TFAP2A: variants seen among roughly 807,000 people sequenced by gnomAD.
TFAP2A encodes the protein transcription factor AP-2 alpha.
A neutral mutation model predicts 41.5 loss-of-function variants in TFAP2A; 7 were observed. The observed-to-expected ratio is 0.17, with a 90% CI of 0.10 to 0.32. TFAP2A has a LOEUF of 0.32. TFAP2A is among the 10% of genes least tolerant of loss of function. The probability of loss-of-function intolerance (pLI) is 1.00; values close to 1 mark genes in which losing one functional copy is unlikely to be tolerated. For missense variants in TFAP2A, 416 were observed against 563.3 expected (o/e 0.74, Z 2.65); for synonymous variants, 247 against 242.8 (o/e 1.02, Z -0.16).
chr6:10,398,369 G>A lies in TFAP2A; in HGVS notation c.*48C>T, dbSNP rs1216105724. The A allele has an allele frequency of 6.8e-6, 11 of 1,608,468 alleles. No individual in the cohort carries two copies. The highest frequency in any genetic ancestry group is 9.3e-6 in the Non-Finnish European group (11 of 1,178,214). On this transcript the variant is annotated 3_prime_UTR_variant, in exon 7 of 7. Coordinates refer to ENST00000379613, the MANE Select transcript of TFAP2A (RefSeq NM_001372066.1). This position sits in a 1 kb window ranked among gnomAD's most constrained non-coding sequence, Gnocchi z 5.3. ...AGCTGTCACCCGCCGGAGGGTGGGC[G>A]CGCGGGGGGCTGGTGAGGCGTGGGA...
chr6:10,404,816 C>T, intron 3 of TFAP2A, 77 bp from the exon 4 acceptor site: 1 of 1,311,188 alleles, frequency 7.6e-7, no homozygotes, highest in Non-Finnish European at 1.1e-6. Context: ...GGCCCTCATC[C>T]CGGCCAGGGC....
chr6:10,404,854 C>T (rs951149110), intron 3 of TFAP2A, 115 bp from the exon 4 acceptor site: 10 of 885,054 alleles, frequency 1.1e-5, no homozygotes, highest in East Asian at 2.6e-5. Flanking sequence ...GCCACAGTCC[C>T]CGCTTTTCCG....
upstream of TFAP2A, chr6:10,415,184 G>A (rs1758196554): frequency 3.3e-6 from 5 of 1,499,374 alleles, no homozygotes; most frequent in Non-Finnish European, 4.4e-6. Flanking sequence ...GCGAGGAGGA[G>A]GAGGAGGGCG....
At chr6:10,412,448 C>A (rs1758023767) in intron 1 of TFAP2A, 1 of 143,284 alleles carries the variant, frequency 7.0e-6, no homozygotes, top group Non-Finnish European at 1.4e-5. Flanking sequence ...GAGGGAGAGC[C>A]CGAGAGGAGG....
chr6:10,398,686 T>A lies in TFAP2A; in HGVS notation c.1051A>T (p.Thr351Ser). 6.2e-7 allele frequency: 1 copy of A among 1,614,052 alleles called. No individual in the cohort carries two copies. Among genetic ancestry groups the A allele is most frequent in the Non-Finnish European group, 8.5e-7 (1 of 1,179,994 alleles). ...GATCGGTCCTGAGCCAGCAGGTCGG[T>A]GAACTCTTTGCATATCTGTCTGCAG... is the stretch of plus-strand genomic sequence containing the variant. ...LATKQICKEFTDLLAQDRSPL... is the reference protein window; with the variant it reads ...LATKQICKEFSDLLAQDRSPL... The change falls in exon 7 of 7, where the codon ACC becomes TCC. Residue 351 changes from threonine (T) to serine (S), a missense_variant. Around this residue, in one of 3 missense-constraint regions of TFAP2A, gnomAD observed 116 missense variants for 153.8 expected, o/e 0.75. Transcript: ENST00000379613. This position sits in a 1 kb window ranked among gnomAD's most constrained non-coding sequence, Gnocchi z 5.3.
intron 3 of TFAP2A, chr6:10,405,713 ACAT>A (rs1378132204): frequency 2.0e-5 from 3 of 152,194 alleles, no homozygotes; most frequent in Non-Finnish European, 4.4e-5. Flanking sequence ...CCATTTGGAG[ACAT>A]CATATGCACA....
chr6:10,419,566 T>C (rs1561721185), upstream of TFAP2A: 10 of 1,325,038 alleles, frequency 7.5e-6, no homozygotes, highest in Admixed American at 1.4e-4. Context: ...CTCACCAACA[T>C]CTCACCTGGT....
chr6:10,413,884 C>T (rs929678439), intron 1 of TFAP2A, among the ~76,000 whole-genome samples: 9 of 149,298 alleles, frequency 6.0e-5, no homozygotes, highest in Admixed American at 4.7e-4. Context: ...AAAAAAACAG[C>T]AAAAGTTGGG....
chr6:10,415,018 C>G lies in TFAP2A; in HGVS notation c.-27G>C. ...GATCGGCGTGAACGGATATGCCCCT[C>G]TCGGTCTCGCACCCAAGTGGAGCTA... On this transcript the variant is annotated 5_prime_UTR_variant, in exon 1 of 7. Transcript: ENST00000379613. 6.2e-7 allele frequency: 1 copy of G among 1,614,130 alleles called. No individual in the cohort carries two copies. Among genetic ancestry groups the G allele is most frequent in the Non-Finnish European group, 8.5e-7 (1 of 1,180,034 alleles).
At position 10,406,798 on chromosome 6, in the gene TFAP2A, T is replaced by A. The variant is rs1321006396; in HGVS notation, c.533A>T (p.Lys178Met). 6.2e-7 allele frequency: 1 copy of A among 1,613,306 alleles called. No homozygotes were observed. Among genetic ancestry groups the A allele is most frequent in the Admixed American group, 1.7e-5 (1 of 60,034 alleles). ...GINIPDQTVIKKGPVSLSKSN... is the reference protein window; with the variant it reads ...GINIPDQTVIMKGPVSLSKSN... The stretch of plus-strand genomic sequence containing the variant: ...TGCAGAAGGAAATGGCTTACCTTTC[T>A]TAATTACAGTTTGATCTGGGATGTT... The change falls in exon 3 of 7, where the codon AAG becomes ATG. Residue 178 changes from lysine (K) to methionine (M), a missense_variant. Lys to Met is a moderately conservative substitution (Grantham distance 95). Coordinates refer to ENST00000379613, the MANE Select transcript of TFAP2A (RefSeq NM_001372066.1).
Position 10,404,715 on chromosome 6 carries a change from T to A in TFAP2A, c.563A>T (p.Asn188Ile). 6.2e-7 allele frequency: 1 copy of A among 1,614,162 alleles called. No homozygotes were observed. Among genetic ancestry groups the A allele is most frequent in the Non-Finnish European group, 8.5e-7 (1 of 1,179,994 alleles). The change falls in exon 4 of 7, where the codon AAC becomes ATC. Residue 188 changes from asparagine to isoleucine, a missense_variant. Transcript: ENST00000379613. ...AGGGATGGCGGAGACGGCATTGCTG[T>A]TGGACTTGGACAGGGACACGGGGCC... ...KKGPVSLSKS[N>I]SNAVSAIPIN...
chr6:10,415,013 C>A lies in TFAP2A; in HGVS notation c.-22G>T. The A allele has an allele frequency of 3.1e-6, 5 of 1,614,084 alleles. No homozygotes were observed. The East Asian group carries it at 1.1e-4, about 36-fold the overall frequency. The stretch of plus-strand genomic sequence containing the variant: ...TCATGGATCGGCGTGAACGGATATG[C>A]CCCTCTCGGTCTCGCACCCAAGTGG... On this transcript the variant is annotated 5_prime_UTR_variant, in exon 1 of 7. Transcript: ENST00000379613.
chr6:10,397,793 A>C lies in TFAP2A; in HGVS notation c.*624T>G. The C allele has an allele frequency of 1.1e-6, 1 of 940,064 alleles. No homozygotes were observed. Among genetic ancestry groups the C allele is most frequent in the South Asian group, 4.9e-5 (1 of 20,332 alleles). The allele number at this position is 940,064 out of a possible 1,614,324, so 58.2% of individuals were successfully genotyped here. On this transcript the variant is annotated 3_prime_UTR_variant, in exon 7 of 7. Transcript: ENST00000379613. Reference sequence around the variant, plus strand: ...GAATCGTGTTGCCAGAGAAAGTTCAAGTTGGTCGCTTTACCTTAAAGAGGA... The same window carrying C: ...GAATCGTGTTGCCAGAGAAAGTTCACGTTGGTCGCTTTACCTTAAAGAGGA...
chr6:10,406,579 G>A, intron 3 of TFAP2A: 2 of 587,736 alleles, frequency 3.4e-6, no homozygotes, highest in South Asian at 2.0e-5. Context: ...TAAATTAAAT[G>A]GTCAAATCAT....
chr6:10,398,592 T>C lies in TFAP2A; in HGVS notation c.1145A>G (p.Asn382Ser), dbSNP rs1761884708. 1.2e-6 allele frequency: 2 copies of C among 1,613,904 alleles called. No individual in the cohort carries two copies. Among genetic ancestry groups the C allele is most frequent in the South Asian group, 1.1e-5 (1 of 91,066 alleles). Residue 382 changes from asparagine to serine, a missense_variant, in exon 7 of 7, where the codon AAC (asparagine) becomes AGC (serine). Transcript: ENST00000379613. This position sits in a 1 kb window ranked among gnomAD's most constrained non-coding sequence, Gnocchi z 5.3. ...GCTGCCGAAGCCGTGGGAGATGAGG[T>C]TGAAGTGGGTCAAGCAGCTCTGGAT... ...PGIQSCLTHF[N>S]LISHGFGSPA...
At chr6:10,403,883 T>A (rs892013156) in intron 4 of TFAP2A, among the ~76,000 whole-genome samples, 2 of 152,104 alleles carry the variant, frequency 1.3e-5, no homozygotes, top group African/African-American at 2.4e-5. Context: ...CTGGCACACA[T>A]CAGGGCCTCA....
upstream of TFAP2A, chr6:10,418,084 G>A (rs1211557590): frequency 6.6e-6 from 1 of 152,274 alleles, no homozygotes; most frequent in Non-Finnish European, 1.5e-5. Context: ...GAAGGGAAAG[G>A]TGTGGATTCC....
At chr6:10,409,553 G>A (rs116582340) in intron 2 of TFAP2A, 3,428 of 272,636 alleles carry the variant, frequency 0.013, 25 homozygotes, top group Admixed American at 0.019. Context: ...AAATCTCCAC[G>A]CCAGACTCAG....
At chr6:10,409,681 G>T in intron 2 of TFAP2A, 1 of 588,824 alleles carries the variant, frequency 1.7e-6, no homozygotes, top group Non-Finnish European at 3.0e-6. Flanking sequence ...TGCAGGCATT[G>T]TTTGAGGGAG....
Sources: allele counts gnomAD v4.1 joint callset (sites outside exome capture counted in the v4.1 genomes callset), GRCh38; gene constraint gnomAD v4.1.1; regional missense constraint gnomAD v4.1.1; non-coding constraint Gnocchi (gnomAD v3.1); transcripts MANE v1.5; gene names NCBI Gene and HGNC (gene_info 2026-07-23, HGNC 2026-07-21).